TGM7: variants seen among roughly 807,000 people sequenced by gnomAD.
TGM7 encodes transglutaminase 7.
Under a neutral mutation model 79.5 loss-of-function variants are expected in TGM7, and 74 were observed. The observed-to-expected ratio is 0.93, with a 90% CI of 0.77 to 1.13. TGM7 has a LOEUF of 1.13. TGM7 is among the 50% of genes most tolerant of loss of function. The pLI is 0.00. For missense variants in TGM7, 912 were observed against 905.9 expected, an observed-to-expected ratio of 1.01 and a Z score of -0.09; for synonymous variants, 354 against 362.5, an observed-to-expected ratio of 0.98 and a Z score of 0.27.
At chr15:43,290,349 A>C (rs1316886177) in intron 4 of TGM7, among the ~76,000 whole-genome samples, 1 of 152,080 alleles carries the variant, frequency 6.6e-6, no homozygotes, top group Admixed American at 6.5e-5. Flanking sequence ...TGTTTTTGTC[A>C]GGTTTGTCAA....
chr15:43,280,847 G>A (rs1466912596), intron 9 of TGM7, among the ~76,000 whole-genome samples: 1 of 152,186 alleles, frequency 6.6e-6, no homozygotes, highest in African/African-American at 2.4e-5. Context: ...AATAAGAAAA[G>A]AGAAGGAGAA....
intron 1 of TGM7, among the ~76,000 whole-genome samples, chr15:43,297,587 T>TAGAAA (rs1555386112): frequency 2.0e-4 from 23 of 114,482 alleles, no homozygotes; most frequent in Admixed American, 1.0e-3. Context: ...TCTGCATGTA[T>TAGAAA]AGAAAGAAAG....
chr15:43,288,067 G>T (rs2042945010), intron 4 of TGM7, among the ~76,000 whole-genome samples: 1 of 152,088 alleles, frequency 6.6e-6, no homozygotes, highest in African/African-American at 2.4e-5. Flanking sequence ...CTATCTGGAG[G>T]ACTTGAAGAA....
At chr15:43,284,737 G>A (rs914094081) in intron 7 of TGM7, 77 bp downstream of exon 7, 8 of 1,538,950 alleles carry the variant, frequency 5.2e-6, no homozygotes, top group East Asian at 4.5e-5. Context: ...ATTTCCTCAA[G>A]AGCCAGAGAG....
intron 3 of TGM7, 139 bp downstream of exon 3, chr15:43,292,570 T>A (rs2042968707): frequency 9.2e-7 from 1 of 1,090,328 alleles, no homozygotes; most frequent in Non-Finnish European, 1.3e-6. Context: ...AAATTCTTTG[T>A]AAAGATGATT....
intron 7 of TGM7, 119 bp downstream of exon 7, chr15:43,284,695 A>C: frequency 8.0e-7 from 1 of 1,250,628 alleles, no homozygotes; most frequent in Non-Finnish European, 1.1e-6. Flanking sequence ...TTCTCTGAGC[A>C]TTAGCAGCAA....
At chr15:43,294,399 G>A (rs2042982228) in intron 1 of TGM7, among the ~76,000 whole-genome samples, 1 of 152,222 alleles carries the variant, frequency 6.6e-6, no homozygotes, top group Non-Finnish European at 1.5e-5. Flanking sequence ...TATCATCTGG[G>A]CTGTGAGACC....
chr15:43,283,299 A>T (rs568764675), intron 7 of TGM7, among the ~76,000 whole-genome samples: 106 of 152,266 alleles, frequency 7.0e-4, no homozygotes, highest in Non-Finnish European at 1.1e-3. Flanking sequence ...TAATGTTGTC[A>T]GTTGACCTAA....
chr15:43,290,986 A>G (rs1450672882), intron 4 of TGM7, among the ~76,000 whole-genome samples: 1 of 152,198 alleles, frequency 6.6e-6, no homozygotes, highest in African/African-American at 2.4e-5. Flanking sequence ...GGTTTTCTAG[A>G]TATACAATCA....
At position 43,279,736 on chromosome 15, in the gene TGM7, C is replaced by A. The variant is rs771568978; in HGVS notation, c.1567G>T (p.Gly523Trp). 1.2e-6 allele frequency: 2 copies of A among 1,614,060 alleles called. No individual in the cohort carries two copies. The highest frequency in any genetic ancestry group is 1.3e-5 in the African/African-American group (1 of 75,072). Reference protein sequence around the residue: ...QRVPDSTHPRGPIGLVVRFCA... With the variant: ...QRVPDSTHPRWPIGLVVRFCA... Reference sequence around the variant, plus strand: ...AAGCGCACCACCAGTCCGATGGGCCCCCGAGGGTGGGTGCTGTCTGGCACC... The same window carrying A: ...AAGCGCACCACCAGTCCGATGGGCCACCGAGGGTGGGTGCTGTCTGGCACC... The change falls in exon 10 of 13, where the codon GGG becomes TGG. Residue 523 changes from glycine (G) to tryptophan (W), a missense_variant. By Grantham distance (184) the Gly-to-Trp change is radical. Coordinates refer to ENST00000452443, the MANE Select transcript of TGM7 (RefSeq NM_052955.3).
intron 7 of TGM7, among the ~76,000 whole-genome samples, chr15:43,283,660 CA>C (rs1393771878): frequency 6.6e-6 from 1 of 152,206 alleles, no homozygotes; most frequent in East Asian, 1.9e-4. Flanking sequence ...TCAAGATATG[CA>C]TTCAAAGACA....
intron 2 of TGM7, 71 bp from the exon 3 acceptor site, chr15:43,293,025 G>A: frequency 6.4e-7 from 1 of 1,564,446 alleles, no homozygotes. Context: ...AGGGGAGTCG[G>A]AAGGACCGTC....
chr15:43,288,403 C>T (rs561136145), intron 4 of TGM7, among the ~76,000 whole-genome samples: 18 of 152,222 alleles, frequency 1.2e-4, no homozygotes, highest in Non-Finnish European at 1.8e-4. Flanking sequence ...AGAGAAACTA[C>T]GCCTGCGGGG....
Position 43,287,416 on chromosome 15 carries a change from C to G in TGM7, c.729G>C (p.Trp243Cys), listed in dbSNP as rs1461485461. 1.9e-6 allele frequency: 3 copies of G among 1,614,072 alleles called. No individual in the cohort carries two copies. Among genetic ancestry groups the G allele is most frequent in the Admixed American group, 3.3e-5 (2 of 60,008 alleles). ...NDDNGVLQGN[W>C]GEDYSKGVSP... ...TGACCCCTTTGGAGTAGTCCTCGCC[C>G]CAGTTCCCCTGCAGCACGCCATTGT... is the stretch of plus-strand genomic sequence containing the variant. Residue 243 changes from tryptophan to cysteine, a missense_variant, in exon 6 of 13, where the codon TGG becomes TGC. Trp to Cys is a radical substitution (Grantham distance 215). Coordinates refer to ENST00000452443, the MANE Select transcript of TGM7 (RefSeq NM_052955.3).
Position 43,292,818 on chromosome 15 carries a change from A to G in TGM7, c.330T>C (p.Asn110=). 1 of 1,614,160 alleles carries G rather than the reference A, an allele frequency of 6.2e-7. No homozygotes were observed. Among genetic ancestry groups the G allele is most frequent in the Non-Finnish European group, 8.5e-7 (1 of 1,180,044 alleles). ...TCAGAGTGTAATGGCCAATAACTGC[A>G]TTGGCTGGTGTGAAAAGGGAAACTT... The part of the protein sequence containing the change: ...SLQVSLFTPA[N]AVIGHYTLKI... Residue 110 remains asparagine (N), a synonymous_variant, in exon 3 of 13, where the codon AAT becomes AAC. Transcript: ENST00000452443.
chr15:43,279,796 C>T lies in TGM7; in HGVS notation c.1507G>A (p.Gly503Ser). Residue 503 changes from glycine to serine, a missense_variant, in exon 10 of 13, where the codon GGC becomes AGC. Physicochemically the swap from Gly to Ser is moderately conservative, Grantham distance 56. Transcript: ENST00000452443. ...CGCAGCAGCAGCTGCAGGTCCTGGCCCCACTCGGGTATCCTGGCCAGGTGA... is the reference window on the plus strand; with the variant it reads ...CGCAGCAGCAGCTGCAGGTCCTGGCTCCACTCGGGTATCCTGGCCAGGTGA... ...QLHLARIPEW[G>S]QDLQLLLRIQ... is the part of the protein sequence containing the mutation. 1 of 1,614,164 alleles carries T rather than the reference C, an allele frequency of 6.2e-7. No individual in the cohort carries two copies. Among genetic ancestry groups the T allele is most frequent in the Non-Finnish European group, 8.5e-7 (1 of 1,180,026 alleles).
In TGM7 at chr15:43,284,937, C is replaced by G; in HGVS notation, c.881G>C (p.Gly294Ala). Residue 294 changes from glycine to alanine, a missense_variant, in exon 7 of 13, where the codon GGT (glycine) becomes GCT (alanine). Physicochemically the swap from Gly to Ala is moderately conservative, Grantham distance 60 (BLOSUM62 0). Coordinates refer to ENST00000452443, the MANE Select transcript of TGM7 (RefSeq NM_052955.3). Reference sequence around the variant, plus strand: ...ATTGGAAACAACACGGGTTGGAACACCTAAGCATCTCATTACTAAAGAGAA... The same window carrying G: ...ATTGGAAACAACACGGGTTGGAACAGCTAAGCATCTCATTACTAAAGAGAA... The part of the protein sequence containing the change: ...SVMCTVMRCL[G>A]VPTRVVSNFR... 4.3e-6 allele frequency: 7 copies of G among 1,614,150 alleles called. No homozygotes were observed. Among genetic ancestry groups the G allele is most frequent in the Non-Finnish European group, 5.9e-6 (7 of 1,180,016 alleles).
At chr15:43,289,413 A>G (rs1444909520) in intron 4 of TGM7, among the ~76,000 whole-genome samples, 1 of 152,144 alleles carries the variant, frequency 6.6e-6, no homozygotes. Flanking sequence ...TTATGGCTGC[A>G]TAGTATTCCA....
At chr15:43,300,399 G>C (rs1258845230) in intron 1 of TGM7, among the ~76,000 whole-genome samples, 6 of 152,198 alleles carry the variant, frequency 3.9e-5, no homozygotes, top group Admixed American at 1.3e-4. Flanking sequence ...TTTAAACCTA[G>C]ACAGTTTGAC....
Sources: allele counts gnomAD v4.1 joint callset (sites outside exome capture counted in the v4.1 genomes callset), GRCh38; gene constraint gnomAD v4.1.1; transcripts MANE v1.5; gene names NCBI Gene and HGNC (gene_info 2026-07-23, HGNC 2026-07-21).